Variants in NFIA observed in about 807,000 individuals in gnomAD.
NFIA encodes nuclear factor 1 A-type.
In NFIA, 8 loss-of-function variants were observed where a neutral mutation model predicts 62.8. The ratio of observed to expected loss-of-function variants is 0.13; its 90% CI spans 0.07 to 0.23. NFIA has a LOEUF of 0.23. NFIA is among the 10% of genes least tolerant of loss of function. The probability of loss-of-function intolerance (pLI) is 1.00; values close to 1 mark genes in which losing one functional copy is unlikely to be tolerated. For missense variants in NFIA, 410 were observed against 642.1 expected (o/e 0.64, Z 3.91); for synonymous variants, 235 against 238.1 (o/e 0.99, Z 0.12).
At chr1:61,182,939 A>G (rs1570329815) in intron 2 of NFIA, among the ~76,000 whole-genome samples, 2 of 152,362 alleles carry the variant, frequency 1.3e-5, no homozygotes, top group East Asian at 3.9e-4. Flanking sequence ...TGACAGCTAC[A>G]TGCTTAGCAT....
chr1:61,192,053 G>A (rs929570194), intron 2 of NFIA, among the ~76,000 whole-genome samples: 8 of 142,192 alleles, frequency 5.6e-5, no homozygotes, highest in African/African-American at 1.4e-4. Context: ...TCCACCTCCC[G>A]GGTTCAGGCA....
chr1:61,267,236 C>A (rs191881758), intron 2 of NFIA, among the ~76,000 whole-genome samples: 139 of 152,226 alleles, frequency 9.1e-4, no homozygotes, highest in African/African-American at 3.2e-3. Context: ...AGGCTGGGTG[C>A]CGTGGCTCAT....
chr1:61,355,613 G>A (rs1199235578), intron 5 of NFIA, among the ~76,000 whole-genome samples: 1 of 151,546 alleles, frequency 6.6e-6, no homozygotes, highest in African/African-American at 2.4e-5. Context: ...TAGAGACAGA[G>A]TCTCTTTCTA....
chr1:61,359,347 G>A (rs1397011618), intron 6 of NFIA, 73 bp downstream of exon 6: 30 of 1,595,976 alleles, frequency 1.9e-5, no homozygotes, highest in Middle Eastern at 2.3e-4. Flanking sequence ...CCCATGCCAC[G>A]CATAAAAGTG....
intron 2 of NFIA, among the ~76,000 whole-genome samples, chr1:61,136,236 C>T (rs1056883987): frequency 6.6e-6 from 1 of 152,176 alleles, no homozygotes; most frequent in African/African-American, 2.4e-5. Context: ...CTCTGCATTC[C>T]GTGACCTTAA....
intron 2 of NFIA, among the ~76,000 whole-genome samples, chr1:61,105,712 T>C (rs1646583984): frequency 6.6e-6 from 1 of 151,944 alleles, no homozygotes; most frequent in Non-Finnish European, 1.5e-5. Context: ...CTGATTATGT[T>C]TTTGTATTTG....
intron 2 of NFIA, among the ~76,000 whole-genome samples, chr1:61,241,555 A>C (rs184566879): frequency 7.9e-4 from 120 of 152,288 alleles, no homozygotes; most frequent in South Asian, 7.9e-3. Flanking sequence ...AATGGTTGCC[A>C]AGCTGTAAGA....
At chr1:61,118,684 G>A (rs201992589) in intron 2 of NFIA, among the ~76,000 whole-genome samples, 4 of 149,040 alleles carry the variant, frequency 2.7e-5, no homozygotes, top group Admixed American at 6.9e-5. Flanking sequence ...GTGTGTGTGT[G>A]TGTGTGTGTG....
chr1:61,219,720 A>AAAAAAAAG (rs904171439), intron 2 of NFIA, among the ~76,000 whole-genome samples: 2 of 150,610 alleles, frequency 1.3e-5, no homozygotes, highest in East Asian at 1.9e-4. Context: ...TCTCAAAAAA[A>AAAAAAAAG]AAAAAAGAAA....
At chr1:61,198,264 C>CT (rs1652174725) in intron 2 of NFIA, among the ~76,000 whole-genome samples, 1 of 152,148 alleles carries the variant, frequency 6.6e-6, no homozygotes. Flanking sequence ...CTTAAAATGT[C>CT]TTTATACAAT....
intron 10 of NFIA, among the ~76,000 whole-genome samples, chr1:61,450,087 A>C (rs969185013): frequency 6.6e-6 from 1 of 152,210 alleles, no homozygotes; most frequent in Admixed American, 6.5e-5. Flanking sequence ...AAAGCAGGCT[A>C]TCTGGTATCA....
chr1:61,455,339 A>G lies in NFIA; in HGVS notation c.*19A>G. The G allele has an allele frequency of 4.3e-6, 7 of 1,614,086 alleles. No individual in the cohort carries two copies. Among genetic ancestry groups the G allele is most frequent in the Non-Finnish European group, 5.9e-6 (7 of 1,179,996 alleles). On this transcript the variant is annotated 3_prime_UTR_variant, in exon 11 of 11. Transcript: ENST00000403491. ...GGGATAAAAGTTGCAGCGTCCCACCATCCACCAGACAGACCACCTGACCCC... is the reference window on the plus strand; with the variant it reads ...GGGATAAAAGTTGCAGCGTCCCACCGTCCACCAGACAGACCACCTGACCCC...
intron 2 of NFIA, among the ~76,000 whole-genome samples, chr1:61,219,713 C>CAAAAAAAAAAAAAA (rs749092216): frequency 9.3e-6 from 1 of 107,818 alleles, no homozygotes; most frequent in African/African-American, 4.2e-5. Flanking sequence ...GACTCCGTCT[C>CAAAAAAAAAAAAAA]AAAAAAAAAA....
chr1:61,268,258 G>A (rs1345856904), intron 2 of NFIA, among the ~76,000 whole-genome samples: 1 of 152,148 alleles, frequency 6.6e-6, no homozygotes, highest in East Asian at 1.9e-4. Flanking sequence ...TAGGCAAATT[G>A]TTACTGTGCC....
chr1:61,368,769 A>G (rs1278348845), intron 6 of NFIA, among the ~76,000 whole-genome samples: 1 of 152,116 alleles, frequency 6.6e-6, no homozygotes, highest in Admixed American at 6.6e-5. Flanking sequence ...TACTTTGAAA[A>G]CCCTAAACTT....
At chr1:61,193,242 A>G (rs188478845) in intron 2 of NFIA, among the ~76,000 whole-genome samples, 19 of 152,346 alleles carry the variant, frequency 1.2e-4, no homozygotes, top group Middle Eastern at 3.4e-3. Flanking sequence ...GCTATTCAGA[A>G]TAGTTGAGTA....
At chr1:61,216,312 C>A (rs1653621334) in intron 2 of NFIA, among the ~76,000 whole-genome samples, 1 of 152,018 alleles carries the variant, frequency 6.6e-6, no homozygotes, top group Non-Finnish European at 1.5e-5. Context: ...GATGCCCAAC[C>A]CAGTACTGTG....
intron 2 of NFIA, among the ~76,000 whole-genome samples, chr1:61,116,498 C>T (rs1248863008): frequency 5.3e-5 from 8 of 151,584 alleles, no homozygotes; most frequent in African/African-American, 1.2e-4. Flanking sequence ...AGGTGAAAAG[C>T]GGTTTTTTGA....
intron 5 of NFIA, among the ~76,000 whole-genome samples, chr1:61,356,090 A>C (rs993569654): frequency 2.0e-5 from 3 of 152,270 alleles, no homozygotes; most frequent in African/African-American, 7.2e-5. Context: ...CTTTGGGGCT[A>C]GATCTAACTG....
Sources: gnomAD v4.1 joint callset for allele counts (sites outside exome capture counted in the v4.1 genomes callset) on GRCh38, gnomAD v4.1.1 for gene constraint, MANE v1.5 for transcripts, NCBI Gene and HGNC (gene_info 2026-07-23, HGNC 2026-07-21) for gene names.